The following KCND2 variants were observed in gnomAD, a reference collection of about 807,000 sequenced individuals.
The protein encoded by KCND2 is potassium voltage-gated channel subfamily D member 2, also known as A-type voltage-gated potassium channel KCND2.
Under a neutral mutation model 54.4 loss-of-function variants are expected in KCND2, and 16 were observed. The observed-to-expected ratio is 0.29, with a 90% CI of 0.20 to 0.45. The LOEUF (loss-of-function observed/expected upper bound fraction) is 0.45. Among genes scored for constraint, KCND2 ranks in the 20% least tolerant of loss-of-function variants. The pLI, the probability that KCND2 is intolerant of heterozygous loss-of-function variation, is 1.00. For missense variants in KCND2, 486 were observed against 824.2 expected (o/e 0.59, Z 5.02); for synonymous variants, 317 against 310.7 (o/e 1.02, Z -0.21).
At chr7:120,652,393 G>A (rs1454871565) in intron 1 of KCND2, among the ~76,000 whole-genome samples, 1 of 152,080 alleles carries the variant, frequency 6.6e-6, no homozygotes, top group Non-Finnish European at 1.5e-5. Flanking sequence ...TATCTTAGGG[G>A]ACATGGATCA....
chr7:120,375,510 G>A (rs11769783), intron 1 of KCND2, among the ~76,000 whole-genome samples: 30 of 151,608 alleles, frequency 2.0e-4, no homozygotes, highest in African/African-American at 5.3e-4. Flanking sequence ...GGAAATATGC[G>A]TTTTCAATAT....
At chr7:120,694,670 A>T (rs114098068) in intron 1 of KCND2, among the ~76,000 whole-genome samples, 1 of 152,166 alleles carries the variant, frequency 6.6e-6, no homozygotes, top group East Asian at 1.9e-4. Context: ...ATTACCCCCA[A>T]TGATGCCTAC....
chr7:120,320,892 A>G (rs754915286), intron 1 of KCND2, among the ~76,000 whole-genome samples: 1 of 152,148 alleles, frequency 6.6e-6, no homozygotes, highest in Non-Finnish European at 1.5e-5. Context: ...CTGGGGGTAT[A>G]TTAAGGTTAA....
intron 1 of KCND2, among the ~76,000 whole-genome samples, chr7:120,286,239 T>A (rs1262564338): frequency 6.6e-6 from 1 of 151,958 alleles, no homozygotes; most frequent in Non-Finnish European, 1.5e-5. Context: ...AAAATATGTG[T>A]GAATGTGTAA....
intron 1 of KCND2, among the ~76,000 whole-genome samples, chr7:120,702,206 T>A (rs2116035150): frequency 6.6e-6 from 1 of 152,278 alleles, no homozygotes; most frequent in Non-Finnish European, 1.5e-5. Flanking sequence ...ACATCAGTGA[T>A]CATTGGAGAA....
intron 1 of KCND2, among the ~76,000 whole-genome samples, chr7:120,364,269 CCT>C (rs2116404882): frequency 6.6e-6 from 1 of 152,260 alleles, no homozygotes; most frequent in South Asian, 2.1e-4. Context: ...CCACCATTTC[CCT>C]CTGTGTCATC....
chr7:120,728,325 C>A (rs1792762651), intron 1 of KCND2, among the ~76,000 whole-genome samples: 1 of 141,818 alleles, frequency 7.1e-6, no homozygotes, highest in South Asian at 2.3e-4. Context: ...GAGTCTCGCT[C>A]TTGTTGCCCA....
intron 1 of KCND2, among the ~76,000 whole-genome samples, chr7:120,345,136 G>A (rs1410195128): frequency 6.6e-6 from 1 of 152,118 alleles, no homozygotes; most frequent in Admixed American, 6.6e-5. Context: ...CACCCACAAT[G>A]TATAATTTTA....
chr7:120,428,172 A>C (rs1381112312), intron 1 of KCND2, among the ~76,000 whole-genome samples: 7 of 152,250 alleles, frequency 4.6e-5, no homozygotes, highest in African/African-American at 1.7e-4. Flanking sequence ...TTCTTTAAAA[A>C]TCAATGCTAT....
intron 1 of KCND2, among the ~76,000 whole-genome samples, chr7:120,602,820 G>A (rs1049603406): frequency 4.6e-5 from 7 of 152,170 alleles, no homozygotes; most frequent in Non-Finnish European, 7.3e-5. Flanking sequence ...TTGAAATAAA[G>A]TAGAGAAGAT....
intron 1 of KCND2, among the ~76,000 whole-genome samples, chr7:120,497,627 T>C (rs1019386506): frequency 2.6e-5 from 4 of 152,180 alleles, no homozygotes; most frequent in African/African-American, 7.2e-5. Context: ...TGTTCTTATA[T>C]TGCAAGTTTG....
intron 1 of KCND2, among the ~76,000 whole-genome samples, chr7:120,313,407 T>G (rs200620633): frequency 6.6e-6 from 1 of 152,290 alleles, no homozygotes; most frequent in East Asian, 1.9e-4. Context: ...TAAAGACATT[T>G]TGGGAAGGAA....
At chr7:120,322,875 T>C (rs1436237440) in intron 1 of KCND2, among the ~76,000 whole-genome samples, 1 of 152,154 alleles carries the variant, frequency 6.6e-6, no homozygotes, top group African/African-American at 2.4e-5. Flanking sequence ...TGCCATTAAA[T>C]TGAAAATTTT....
At chr7:120,730,136 A>G (rs1298067650) in intron 1 of KCND2, among the ~76,000 whole-genome samples, 2 of 152,180 alleles carry the variant, frequency 1.3e-5, no homozygotes, top group Non-Finnish European at 2.9e-5. Flanking sequence ...GGCTTATTTT[A>G]ATTACATGGA....
intron 1 of KCND2, among the ~76,000 whole-genome samples, chr7:120,312,159 G>A (rs898905286): frequency 2.0e-5 from 3 of 151,934 alleles, no homozygotes; most frequent in Non-Finnish European, 4.4e-5. Flanking sequence ...TGCCCACTTC[G>A]GCCTCCCAAA....
intron 1 of KCND2, among the ~76,000 whole-genome samples, chr7:120,629,726 A>G (rs1294780371): frequency 6.6e-6 from 1 of 152,196 alleles, no homozygotes; most frequent in African/African-American, 2.4e-5. Flanking sequence ...TGCAGTTGGA[A>G]TGGTTAGACT....
intron 1 of KCND2, among the ~76,000 whole-genome samples, chr7:120,457,888 A>G (rs1802223002): frequency 6.6e-6 from 1 of 152,156 alleles, no homozygotes; most frequent in Admixed American, 6.5e-5. Context: ...AAGACTGGGT[A>G]ATTTATAATG....
At chr7:120,413,835 G>A (rs1223825029) in intron 1 of KCND2, among the ~76,000 whole-genome samples, 2 of 150,918 alleles carry the variant, frequency 1.3e-5, no homozygotes, top group Non-Finnish European at 3.0e-5. Flanking sequence ...TTTTTTCTAT[G>A]GAAGGCTTAG....
intron 1 of KCND2, among the ~76,000 whole-genome samples, chr7:120,420,243 T>G (rs939069067): frequency 6.6e-6 from 1 of 152,208 alleles, no homozygotes; most frequent in African/African-American, 2.4e-5. Context: ...AGAAGCATAC[T>G]TTCATAAGCA....
Sources: gnomAD v4.1 joint callset for allele counts (sites outside exome capture counted in the v4.1 genomes callset) on GRCh38, gnomAD v4.1.1 for gene constraint, MANE v1.5 for transcripts, NCBI Gene and HGNC (gene_info 2026-07-23, HGNC 2026-07-21) for gene names.